The following GNAL variants were observed in gnomAD, a reference collection of about 807,000 sequenced individuals.
GNAL encodes the protein guanine nucleotide-binding protein G(olf) subunit alpha.
A neutral mutation model predicts 55.1 loss-of-function variants in GNAL; 18 were observed. That is an observed-to-expected ratio of 0.33 (90% confidence interval 0.23 to 0.48). GNAL has a LOEUF of 0.48. GNAL is among the 20% of genes least tolerant of loss of function. The probability of loss-of-function intolerance (pLI) is 0.99; values close to 1 mark genes in which losing one functional copy is unlikely to be tolerated. For synonymous variants in GNAL, 253 were observed against 237.0 expected (o/e 1.07, Z -0.62); for missense variants, 412 against 614.1 (o/e 0.67, Z 3.48).
intron 4 of GNAL, among the ~76,000 whole-genome samples, chr18:11,788,896 C>CG (rs1216165197): frequency 4.5e-3 from 25 of 5,512 alleles, no homozygotes; most frequent in African/African-American, 0.011. Flanking sequence ...GACTCCGTCT[C>CG]GAAAAAAAAA....
chr18:11,861,610 T>G, intron 5 of GNAL, among the ~76,000 whole-genome samples: 1 of 152,166 alleles, frequency 6.6e-6, no homozygotes, highest in Admixed American at 6.5e-5. Flanking sequence ...AAAGCCAGGC[T>G]GGCACAGAGA....
Position 11,741,366 on chromosome 18 carries a change from T to C in GNAL, c.377-11487T>C, listed in dbSNP as rs193208089. Among the ~76,000 whole-genome samples, 67 of 152,332 alleles carry C rather than the reference T, an allele frequency of 4.4e-4. No individual in the cohort carries two copies. The Middle Eastern group carries it at 0.017, about 39-fold the overall frequency. ...GCTGAAAATAAAGCACCTTTCAGTG[T>C]CTTTTAAAAATGAAGAGTGACTTAC... is the stretch of plus-strand genomic sequence containing the variant. On this transcript the variant is annotated intron_variant, in intron 1 of 11. Coordinates refer to ENST00000334049, the MANE Select transcript of GNAL (RefSeq NM_182978.4).
chr18:11,711,833 A>C (rs1288873456), intron 1 of GNAL, among the ~76,000 whole-genome samples: 3 of 152,142 alleles, frequency 2.0e-5, no homozygotes, highest in Admixed American at 2.0e-4. Flanking sequence ...AGAAACAGCC[A>C]CCTCTCCCAG....
rs7237489 is a variant in GNAL, at chr18:11,710,210, T to A, written c.376+20271T>A. 6.1e-3 allele frequency among the ~76,000 whole-genome samples: 936 copies of A among 152,286 alleles called. 4 individuals are homozygous for A. The highest frequency in any genetic ancestry group is 0.021 in the African/African-American group (876 of 41,566). ...CTAATACTTTATTAAGGATTTTTGC[T>A]TCTGTGGACCTCAGGAATATTAGCC... On this transcript the variant is annotated intron_variant, in intron 1 of 11. Coordinates refer to ENST00000334049, the MANE Select transcript of GNAL (RefSeq NM_182978.4).
At chr18:11,861,755 G>A (rs776442004) in intron 5 of GNAL, among the ~76,000 whole-genome samples, 2 of 152,012 alleles carry the variant, frequency 1.3e-5, no homozygotes, top group Non-Finnish European at 2.9e-5. Flanking sequence ...CCTTGTGTGG[G>A]ACACAGTGGG....
chr18:11,884,827 G>T lies in GNAL; in HGVS notation c.*3692G>T. The T allele has an allele frequency of 7.2e-7, 1 of 1,398,490 alleles. No homozygotes were observed. The highest frequency in any genetic ancestry group is 9.3e-7 in the Non-Finnish European group (1 of 1,074,456). 86.6% of individuals were successfully genotyped at this position (1,398,490 alleles called of 1,614,324 possible). A position where few individuals can be genotyped will look rare whatever the true frequency, so the allele number is the denominator to read the frequency against. On this transcript the variant is annotated 3_prime_UTR_variant, in exon 12 of 12. Transcript: ENST00000334049. ...CCGACCAGCCCAGGCTCCAGCAGGA[G>T]AGACAAGTAAGGCCCAAGTGTGCCT...
At chr18:11,740,740 G>A (rs556985907) in intron 1 of GNAL, among the ~76,000 whole-genome samples, 32 of 152,206 alleles carry the variant, frequency 2.1e-4, no homozygotes, top group East Asian at 1.2e-3. Flanking sequence ...TTTCGGATTC[G>A]TGTGCAATGA....
At chr18:11,725,607 C>T (rs1415224439) in intron 1 of GNAL, among the ~76,000 whole-genome samples, 1 of 152,172 alleles carries the variant, frequency 6.6e-6, no homozygotes, top group Non-Finnish European at 1.5e-5. Flanking sequence ...TAAGGTGGCT[C>T]CATGTCTTTT....
At chr18:11,855,602 G>A (rs1407916478) in intron 5 of GNAL, among the ~76,000 whole-genome samples, 1 of 152,172 alleles carries the variant, frequency 6.6e-6, no homozygotes, top group African/African-American at 2.4e-5. Flanking sequence ...GAATGCCAAT[G>A]TATCTAGATG....
intron 4 of GNAL, among the ~76,000 whole-genome samples, chr18:11,817,585 C>G (rs1030229750): frequency 5.3e-5 from 8 of 152,036 alleles, no homozygotes; most frequent in Non-Finnish European, 2.9e-5. Context: ...GGCTTGTTTT[C>G]GTGTAGTTTT....
intron 11 of GNAL, among the ~76,000 whole-genome samples, chr18:11,877,878 G>C (rs2036570114): frequency 6.6e-6 from 1 of 151,560 alleles, no homozygotes. Context: ...TCCCCCAGAA[G>C]TGCATGGCCG....
chr18:11,728,088 G>A (rs953416829), intron 1 of GNAL, among the ~76,000 whole-genome samples: 1 of 152,050 alleles, frequency 6.6e-6, no homozygotes, highest in East Asian at 1.9e-4. Flanking sequence ...TTAGCTGGGT[G>A]TGGTGATCTG....
rs369487095 is a variant in GNAL at position 11,737,777 on chromosome 18, C to G, written c.377-15076C>G. 6.6e-5 allele frequency among the ~76,000 whole-genome samples: 10 copies of G among 152,228 alleles called. No individual in the cohort carries two copies. In the East Asian group the frequency reaches 9.6e-4, roughly 15 times the overall value. ...GACATATCAGCCCAGAGGAAGGGAA[C>G]CATTTGGGTGAGAAATCTGGCAGAA... On this transcript the variant is annotated intron_variant, in intron 1 of 11. Coordinates refer to ENST00000334049, the MANE Select transcript of GNAL (RefSeq NM_182978.4).
chr18:11,830,129 G>A (rs189151781), intron 5 of GNAL, among the ~76,000 whole-genome samples: 13 of 152,150 alleles, frequency 8.5e-5, no homozygotes, highest in Admixed American at 4.6e-4. Context: ...TCTCCTTGAC[G>A]GGTCCGTACT....
At chr18:11,690,583 A>G (rs796743273) in intron 1 of GNAL, among the ~76,000 whole-genome samples, 1,547 of 147,534 alleles carry the variant, frequency 0.01, 34 homozygotes, top group African/African-American at 0.036. Flanking sequence ...AGCATTAGGT[A>G]TATCTCCTAA....
At position 11,868,203 on chromosome 18, in the gene GNAL, G is replaced by C. The variant is rs2036309616; in HGVS notation, c.911-340G>C. On this transcript the variant is annotated intron_variant, in intron 8 of 11. Coordinates refer to ENST00000334049, the MANE Select transcript of GNAL (RefSeq NM_182978.4). This position sits in a 1 kb window ranked among gnomAD's most constrained non-coding sequence, Gnocchi z 4.0. Reference sequence around the variant, plus strand: ...TAATCCTAGCTACTAGGGAGGCTGAGGCAGGAGAATCACTTGAACCTGGGA... The same window carrying C: ...TAATCCTAGCTACTAGGGAGGCTGACGCAGGAGAATCACTTGAACCTGGGA... Among the ~76,000 whole-genome samples the C allele has an allele frequency of 6.6e-6, 1 of 152,100 alleles. No individual in the cohort carries two copies. Among genetic ancestry groups the C allele is most frequent in the African/African-American group, 2.4e-5 (1 of 41,422 alleles).
Position 11,690,017 on chromosome 18 carries a change from C to T in GNAL, c.376+78C>T, listed in dbSNP as rs2031189651. The T allele has an allele frequency of 8.2e-6, 7 of 852,648 alleles. No homozygotes were observed. The South Asian group carries it at 3.8e-4, about 47-fold the overall frequency. 52.8% of individuals were successfully genotyped at this position (852,648 alleles called of 1,614,324 possible). A position where few individuals can be genotyped will look rare whatever the true frequency, so the allele number is the denominator to read the frequency against. On this transcript the variant is annotated intron_variant, in intron 1 of 11. Transcript: ENST00000334049. ...CGCGGGGGCGGCGGGCACCGGGGAG[C>T]GGTGGCGGGCACCGGGGAGCGGCGG...
At chr18:11,722,050 G>A (rs1482347111) in intron 1 of GNAL, among the ~76,000 whole-genome samples, 1 of 152,138 alleles carries the variant, frequency 6.6e-6, no homozygotes, top group Admixed American at 6.5e-5. Context: ...AGCATCATCG[G>A]TGTTAACATC....
rs61495657 is a variant in GNAL, at chr18:11,689,453, C to T, written c.-111C>T. ...GCCGAACAGGGTCCGGGTGCAGCCC[C>T]CTCCCGCCCCTCCGCTGAGGCGCCG... On this transcript the variant is annotated 5_prime_UTR_variant, in exon 1 of 12. Coordinates refer to ENST00000334049, the MANE Select transcript of GNAL (RefSeq NM_182978.4). 50,692 of 440,482 alleles carry T rather than the reference C, an allele frequency of 0.12. 5,430 individuals carry two copies. The highest frequency in any genetic ancestry group is 0.4 in the African/African-American group (19,743 of 48,836). 27.3% of individuals were successfully genotyped at this position (440,482 alleles called of 1,614,324 possible). A position where few individuals can be genotyped will look rare whatever the true frequency, so the allele number is the denominator to read the frequency against.
Sources: allele counts gnomAD v4.1 joint callset (sites outside exome capture counted in the v4.1 genomes callset), GRCh38; gene constraint gnomAD v4.1.1; non-coding constraint Gnocchi (gnomAD v3.1); transcripts MANE v1.5; gene names NCBI Gene and HGNC (gene_info 2026-07-23, HGNC 2026-07-21).